Variants in BOK observed in about 807,000 individuals in gnomAD.
The protein encoded by BOK is BCL2 family apoptosis regulator BOK.
In BOK, 20 loss-of-function variants were observed where a neutral mutation model predicts 18.3. That is an observed-to-expected ratio of 1.09 (90% CI 0.77 to 1.59). BOK has a LOEUF of 1.59. BOK is among the 40% of genes most tolerant of loss of function. The pLI, the probability that BOK is intolerant of heterozygous loss-of-function variation, is 0.00. For synonymous variants in BOK, 173 were observed against 142.4 expected, an observed-to-expected ratio of 1.21 and a Z score of -1.53; for missense variants, 348 against 307.9, an observed-to-expected ratio of 1.13 and a Z score of -0.97.
At chr2:241,569,909 C>T (rs758260094) in intron 3 of BOK, among the ~76,000 whole-genome samples, 1 of 152,190 alleles carries the variant, frequency 6.6e-6, no homozygotes, top group Admixed American at 6.5e-5. Flanking sequence ...CCTGCACAGA[C>T]GTGGGCTGGG....
chr2:241,563,376 C>T (rs115230843), intron 3 of BOK, among the ~76,000 whole-genome samples: 1,830 of 152,322 alleles, frequency 0.012, 14 homozygotes, highest in Non-Finnish European at 0.017. Flanking sequence ...CCTGGCACCC[C>T]GTGCTATGAG....
intron 4 of BOK, among the ~76,000 whole-genome samples, chr2:241,571,001 G>A (rs1171969417): frequency 8.7e-5 from 13 of 149,290 alleles, no homozygotes; most frequent in Non-Finnish European, 5.9e-5. Context: ...GCCTGTGGGG[G>A]TGGGAGAGCT....
intron 2 of BOK, chr2:241,560,140 T>C: frequency 1.0e-6 from 1 of 985,350 alleles, no homozygotes. Flanking sequence ...GGCCCCCCCA[T>C]TGGAAACTGC....
chr2:241,561,950 T>C (rs904115925), intron 2 of BOK, among the ~76,000 whole-genome samples: 1 of 152,122 alleles, frequency 6.6e-6, no homozygotes, highest in Non-Finnish European at 1.5e-5. Flanking sequence ...GCCCAGCCCC[T>C]CCCCACGTCG....
intron 1 of BOK, among the ~76,000 whole-genome samples, chr2:241,551,931 G>A (rs1485253370): frequency 6.6e-6 from 1 of 152,200 alleles, no homozygotes; most frequent in Non-Finnish European, 1.5e-5. Context: ...GGGTGGGGTG[G>A]GGGGCGTTCT....
chr2:241,562,546 G>A lies in BOK; in HGVS notation c.349+70G>A. ...AGGGTCTGTGGCTCAGGCTCACAGGGACCCCACGAGCTGGCCCCCACCCAT... is the reference window on the plus strand; with the variant it reads ...AGGGTCTGTGGCTCAGGCTCACAGGAACCCCACGAGCTGGCCCCCACCCAT... On this transcript the variant is annotated intron_variant, in intron 3 of 4. Transcript: ENST00000318407. The surrounding 1 kb of genome is among the most constrained non-coding windows in gnomAD (Gnocchi z 4.5). 1 of 1,516,098 alleles carries A rather than the reference G, an allele frequency of 6.6e-7. No individual in the cohort carries two copies. Among genetic ancestry groups the A allele is most frequent in the East Asian group, 2.3e-5 (1 of 43,120 alleles). 93.9% of individuals were successfully genotyped at this position (1,516,098 alleles called of 1,614,324 possible).
In BOK at chr2:241,570,152, T is replaced by A; in HGVS notation, c.377T>A (p.Leu126Gln). Residue 126 changes from leucine (L) to glutamine (Q), a missense_variant, in exon 4 of 5, where the codon CTG becomes CAG. By Grantham distance (113) the Leu-to-Gln change is moderately radical. Transcript: ENST00000318407. The stretch of plus-strand genomic sequence containing the variant: ...ATCACGTGGGGCAAGGTGGTGTCCC[T>A]GTATGCGGTGGCCGCGGGGCTGGCC... ...AGITWGKVVS[L>Q]YAVAAGLAVD... The A allele has an allele frequency of 6.2e-7, 1 of 1,611,668 alleles. No homozygotes were observed. The highest frequency in any genetic ancestry group is 1.1e-5 in the South Asian group (1 of 90,978).
At chr2:241,560,535 C>T (rs1283270770) in intron 2 of BOK, among the ~76,000 whole-genome samples, 2 of 152,222 alleles carry the variant, frequency 1.3e-5, no homozygotes, top group African/African-American at 4.8e-5. Context: ...CTAGGTGGCC[C>T]CTGCCCTTAC....
At chr2:241,557,268 T>TA (rs1239570914), upstream of BOK, among the ~76,000 whole-genome samples, 1 of 151,942 alleles carries the variant, frequency 6.6e-6, no homozygotes, top group Non-Finnish European at 1.5e-5. Context: ...TCTAGCTTCT[T>TA]GAGTGGAAGC....
At chr2:241,551,423 G>A (rs528042406), upstream of BOK, 1 of 152,388 alleles carries the variant, frequency 6.6e-6, no homozygotes, top group East Asian at 1.9e-4. Context: ...TCTAGAAGCA[G>A]CGTGAGGCTG....
intron 3 of BOK, among the ~76,000 whole-genome samples, chr2:241,568,243 C>A (rs1331288551): frequency 1.3e-5 from 2 of 152,188 alleles, no homozygotes; most frequent in African/African-American, 4.8e-5. Flanking sequence ...GCCTCAGCCT[C>A]CCGAGTAGCT....
chr2:241,560,977 TTG>T (rs1344034995), intron 2 of BOK, among the ~76,000 whole-genome samples: 1 of 152,096 alleles, frequency 6.6e-6, no homozygotes, highest in Non-Finnish European at 1.5e-5. Flanking sequence ...GAAGCCCGGG[TTG>T]TGTCCCCACC....
In BOK at chr2:241,573,768, G is replaced by C. The variant is rs766370339; in HGVS notation, c.*1346G>C. 3 of 152,276 alleles carry C rather than the reference G, an allele frequency of 2.0e-5. No homozygotes were observed. The highest frequency in any genetic ancestry group is 2.9e-5 in the Non-Finnish European group (2 of 68,062). The allele number at this position is 152,276 out of a possible 1,614,324, so 9.4% of individuals were successfully genotyped here. A position where few individuals can be genotyped will look rare whatever the true frequency, so the allele number is the denominator to read the frequency against. On this transcript the variant is annotated 3_prime_UTR_variant, in exon 5 of 5. Transcript: ENST00000318407. The stretch of plus-strand genomic sequence containing the variant: ...TTGGGGATGTGCCTATTAGGGCTCC[G>C]TAAGAACTCAGATGCCTGGGAAGCC...
chr2:241,568,524 T>A (rs1040060405), intron 3 of BOK, among the ~76,000 whole-genome samples: 2 of 152,048 alleles, frequency 1.3e-5, no homozygotes, highest in South Asian at 2.1e-4. Flanking sequence ...TTCAAGTGAT[T>A]GCCCTGCCTC....
intron 3 of BOK, among the ~76,000 whole-genome samples, chr2:241,568,399 C>T (rs113353813): frequency 3.3e-5 from 5 of 152,132 alleles, no homozygotes; most frequent in Non-Finnish European, 5.9e-5. Context: ...GGATTACAGG[C>T]GTGAGCCACC....
intron 3 of BOK, among the ~76,000 whole-genome samples, chr2:241,565,785 T>C (rs2066601812): frequency 6.6e-6 from 1 of 152,156 alleles, no homozygotes; most frequent in Non-Finnish European, 1.5e-5. Context: ...GGCCAACAAA[T>C]GTTGTTTCTG....
Position 241,567,045 on chromosome 2 carries a change from C to T in BOK, c.350-3080C>T, listed in dbSNP as rs543354819. On this transcript the variant is annotated intron_variant, in intron 3 of 4. Transcript: ENST00000318407. ...AGAAGAGCTGGAAGGACACAGTGGA[C>T]GCCGAGGCTGGTGCCTCCGGACTCC... 1.9e-4 allele frequency among the ~76,000 whole-genome samples: 25 copies of T among 134,240 alleles called. 5 individuals carry two copies. Among genetic ancestry groups the T allele is most frequent in the African/African-American group, 6.7e-4 (23 of 34,278 alleles). The allele number at this position is 134,240 out of a possible 152,430, so 88.1% of individuals were successfully genotyped here.
chr2:241,568,669 C>T lies in BOK; in HGVS notation c.350-1456C>T, dbSNP rs549391904. ...CTGACCTCAGGTGATCTGCCCACCT[C>T]GGCCTTCCAAGGTGCTGGGATTATA... On this transcript the variant is annotated intron_variant, in intron 3 of 4. Transcript: ENST00000318407. Among the ~76,000 whole-genome samples, 243 of 152,304 alleles carry T rather than the reference C, an allele frequency of 1.6e-3. 2 individuals carry two copies. Among genetic ancestry groups the T allele is most frequent in the Non-Finnish European group, 2.7e-3 (184 of 68,022 alleles).
intron 2 of BOK, among the ~76,000 whole-genome samples, chr2:241,561,987 C>T (rs1285025748): frequency 2.0e-5 from 3 of 152,244 alleles, no homozygotes; most frequent in Non-Finnish European, 4.4e-5. Flanking sequence ...CTGGTCCCTC[C>T]TGCTCTGGGC....
Sources: gnomAD v4.1 joint callset for allele counts (sites outside exome capture counted in the v4.1 genomes callset) on GRCh38, gnomAD v4.1.1 for gene constraint, Gnocchi (gnomAD v3.1) non-coding constraint, MANE v1.5 for transcripts, NCBI Gene and HGNC (gene_info 2026-07-23, HGNC 2026-07-21) for gene names.